Variants in TRPM3 observed in about 807,000 individuals in gnomAD.
The protein encoded by TRPM3 is transient receptor potential cation channel subfamily M member 3.
A neutral mutation model predicts 181.2 loss-of-function variants in TRPM3; 77 were observed. That is an observed-to-expected ratio of 0.42 (90% CI 0.35 to 0.51). The LOEUF (loss-of-function observed/expected upper bound fraction) is 0.51, where lower values mean the gene tolerates loss of function less well. Ranked by LOEUF, TRPM3 falls within the 20% of genes least tolerant of loss-of-function variation. TRPM3 has a pLI of 0.01. For synonymous variants in TRPM3, 745 were observed against 796.4 expected, an observed-to-expected ratio of 0.94 and a Z score of 1.09; for missense variants, 1,759 against 2,196.7, an observed-to-expected ratio of 0.80 and a Z score of 3.98.
chr9:71,416,807 C>T (rs538501086), intron 1 of TRPM3, among the ~76,000 whole-genome samples: 1 of 151,940 alleles, frequency 6.6e-6, no homozygotes, highest in Admixed American at 6.6e-5. Context: ...TTTTATAACC[C>T]CAGGAAGTTT....
intron 1 of TRPM3, among the ~76,000 whole-genome samples, chr9:71,137,162 T>A (rs181548628): frequency 2.6e-5 from 4 of 152,312 alleles, no homozygotes; most frequent in Admixed American, 2.0e-4. Flanking sequence ...AAAAGTTAGT[T>A]TTTATTTTGT....
At chr9:70,671,046 G>T (rs1377586649) in intron 9 of TRPM3, among the ~76,000 whole-genome samples, 1 of 152,134 alleles carries the variant, frequency 6.6e-6, no homozygotes, top group East Asian at 1.9e-4. Context: ...GTGTATATGA[G>T]TACACTGTGG....
chr9:71,142,556 A>G (rs2075171146), intron 1 of TRPM3, among the ~76,000 whole-genome samples: 1 of 152,146 alleles, frequency 6.6e-6, no homozygotes. Context: ...ACACATATAT[A>G]CTTTTCATTT....
At chr9:71,127,941 GA>G (rs2074145538) in intron 1 of TRPM3, among the ~76,000 whole-genome samples, 1 of 152,218 alleles carries the variant, frequency 6.6e-6, no homozygotes, top group South Asian at 2.1e-4. Context: ...AACCTTAGAA[GA>G]AGTTCCCACA....
chr9:70,801,810 T>C lies in TRPM3; in HGVS notation c.974-17531A>G, dbSNP rs150158089. Among the ~76,000 whole-genome samples, 345 of 152,268 alleles carry C rather than the reference T, an allele frequency of 2.3e-3. 3 individuals are homozygous for C. Among genetic ancestry groups the C allele is most frequent in the African/African-American group, 7.8e-3 (326 of 41,538 alleles). ...TACTGTAGAAAGTAGACTATCTTAATGTTATAAATAAGAAAGTGGCACTTT... is the reference window on the plus strand; with the variant it reads ...TACTGTAGAAAGTAGACTATCTTAACGTTATAAATAAGAAAGTGGCACTTT... On this transcript the variant is annotated intron_variant, in intron 6 of 25. Transcript: ENST00000677713.
rs138705720 is a variant in TRPM3 at position 71,366,207 on chromosome 9, G to A, written c.183+80446C>T. Among the ~76,000 whole-genome samples the A allele has an allele frequency of 3.2e-3, 488 of 152,290 alleles. 4 individuals are homozygous for A. The highest frequency in any genetic ancestry group is 0.011 in the African/African-American group (451 of 41,556). On this transcript the variant is annotated intron_variant, in intron 1 of 24. Coordinates refer to the TRPM3 transcript ENST00000357533. ...CTTTTCTATAGTTAAGGCCCAGGTT[G>A]TTAAAATACAAATGTGTTATTACCT... is the stretch of plus-strand genomic sequence containing the variant.
intron 1 of TRPM3, among the ~76,000 whole-genome samples, chr9:70,997,071 G>C (rs775942795): frequency 6.6e-6 from 1 of 152,194 alleles, no homozygotes; most frequent in Non-Finnish European, 1.5e-5. Context: ...ATCTTGAGAA[G>C]TACCTAGATG....
At chr9:71,356,221 G>A (rs1472187226) in intron 1 of TRPM3, among the ~76,000 whole-genome samples, 4 of 152,082 alleles carry the variant, frequency 2.6e-5, no homozygotes, top group African/African-American at 9.7e-5. Flanking sequence ...AAGTTCAGGG[G>A]TACATGTGCA....
intron 1 of TRPM3, among the ~76,000 whole-genome samples, chr9:71,109,275 T>C (rs1023569483): frequency 1.3e-5 from 2 of 151,936 alleles, no homozygotes; most frequent in Non-Finnish European, 2.9e-5. Flanking sequence ...AATATATATA[T>C]ACATCCTACT....
Position 70,639,122 on chromosome 9 carries a change from C to T in TRPM3, c.1519G>A (p.Glu507Lys). 2 of 1,613,982 alleles carry T rather than the reference C, an allele frequency of 1.2e-6. No individual in the cohort carries two copies. Among genetic ancestry groups the T allele is most frequent in the Non-Finnish European group, 1.7e-6 (2 of 1,179,914 alleles). The change falls in exon 11 of 26, where the codon GAG (glutamate) becomes AAG (lysine). Residue 507 changes from glutamate to lysine, a missense_variant. Around this residue, in one of 8 missense-constraint regions of TRPM3, gnomAD observed 737 missense variants for 957.4 expected, o/e 0.77. Transcript: ENST00000677713. ...DRVDFVKLLI[E>K]NGVSMHRFLT... ...AAACGGTGCATGCTTACTCCATTCT[C>T]TATGAGTAATTTCACAAAATCCACT... is the stretch of plus-strand genomic sequence containing the variant.
intron 1 of TRPM3, among the ~76,000 whole-genome samples, chr9:70,997,292 G>A (rs1365353745): frequency 6.6e-6 from 1 of 152,050 alleles, no homozygotes; most frequent in Non-Finnish European, 1.5e-5. Context: ...TCCGCCTCCT[G>A]GGTTCACGCT....
chr9:71,446,793 A>G, exon 1 of TRPM3: 1 of 1,549,738 alleles, frequency 6.5e-7, no homozygotes, highest in Non-Finnish European at 8.7e-7. Context: ...CGGTCGGAGC[A>G]GCCCCGCTCC....
chr9:71,013,104 G>A (rs908414647), intron 1 of TRPM3, among the ~76,000 whole-genome samples: 1 of 152,062 alleles, frequency 6.6e-6, no homozygotes, highest in African/African-American at 2.4e-5. Context: ...GAGAGAGATG[G>A]TTATATTAAG....
intron 7 of TRPM3, among the ~76,000 whole-genome samples, chr9:70,765,459 C>T (rs970477443): frequency 6.6e-6 from 1 of 152,080 alleles, no homozygotes; most frequent in Admixed American, 6.6e-5. Flanking sequence ...GGCATGGTGG[C>T]ATGTGCCTGT....
chr9:70,977,270 G>A (rs1200750230), intron 1 of TRPM3, among the ~76,000 whole-genome samples: 2 of 152,214 alleles, frequency 1.3e-5, no homozygotes, highest in Non-Finnish European at 2.9e-5. Context: ...AAGTAGCTGG[G>A]ACTACAGGCT....
At chr9:71,279,850 G>A (rs2084557087) in intron 1 of TRPM3, among the ~76,000 whole-genome samples, 1 of 152,156 alleles carries the variant, frequency 6.6e-6, no homozygotes, top group Admixed American at 6.5e-5. Flanking sequence ...GGCCGAGGCA[G>A]GCGGATCACC....
At chr9:71,233,352 TTAAGG>T (rs1334996936) in intron 1 of TRPM3, among the ~76,000 whole-genome samples, 7 of 152,324 alleles carry the variant, frequency 4.6e-5, no homozygotes, top group Admixed American at 1.3e-4. Flanking sequence ...GATTCAAAAA[TTAAGG>T]TAAAGTTTCA....
At chr9:71,057,562 G>A (rs1220244299) in intron 1 of TRPM3, among the ~76,000 whole-genome samples, 1 of 152,004 alleles carries the variant, frequency 6.6e-6, no homozygotes, top group Non-Finnish European at 1.5e-5. Context: ...TTTAAAGAGT[G>A]CCTATGATGT....
intron 1 of TRPM3, among the ~76,000 whole-genome samples, chr9:71,008,177 A>C (rs1171329651): frequency 6.6e-6 from 1 of 152,092 alleles, no homozygotes; most frequent in Non-Finnish European, 1.5e-5. Context: ...AAAGAAACTT[A>C]TGAATTCTTG....
Sources: allele counts gnomAD v4.1 joint callset (sites outside exome capture counted in the v4.1 genomes callset), GRCh38; gene constraint gnomAD v4.1.1; regional missense constraint gnomAD v4.1.1; transcripts MANE v1.5; gene names NCBI Gene and HGNC (gene_info 2026-07-23, HGNC 2026-07-21).